PLCB4: variants seen among roughly 807,000 people sequenced by gnomAD.
PLCB4 encodes phospholipase C beta 4.
A neutral mutation model predicts 178.8 loss-of-function variants in PLCB4; 77 were observed. That is an observed-to-expected ratio of 0.43 (90% CI 0.36 to 0.52). The LOEUF (loss-of-function observed/expected upper bound fraction) is 0.52, where lower values mean the gene tolerates loss of function less well. Ranked by LOEUF, PLCB4 falls within the 20% of genes least tolerant of loss-of-function variation. The pLI, the probability that PLCB4 is intolerant of heterozygous loss-of-function variation, is 0.00. For missense variants in PLCB4, 1,024 were observed against 1,453.4 expected (o/e 0.70, Z 4.80); for synonymous variants, 496 against 490.8 (o/e 1.01, Z -0.14).
At chr20:9,404,115 A>T (rs1332533126) in intron 20 of PLCB4, among the ~76,000 whole-genome samples, 2 of 152,116 alleles carry the variant, frequency 1.3e-5, no homozygotes, top group Non-Finnish European at 2.9e-5. Context: ...TGTGTTTGAA[A>T]ACTTGGAAGT....
At chr20:9,116,831 G>A (rs559756452) in intron 2 of PLCB4, among the ~76,000 whole-genome samples, 1 of 152,244 alleles carries the variant, frequency 6.6e-6, no homozygotes, top group Non-Finnish European at 1.5e-5. Flanking sequence ...CTATGTATAT[G>A]CTGGCTCTAA....
chr20:9,331,649 G>GA (rs2031671607), intron 4 of PLCB4, among the ~76,000 whole-genome samples: 1 of 152,114 alleles, frequency 6.6e-6, no homozygotes, highest in Non-Finnish European at 1.5e-5. Context: ...TGAAATAAAG[G>GA]AAAAATGTTT....
At chr20:9,273,755 A>G (rs1295634915) in intron 3 of PLCB4, among the ~76,000 whole-genome samples, 6 of 150,902 alleles carry the variant, frequency 4.0e-5, no homozygotes, top group Non-Finnish European at 7.4e-5. Flanking sequence ...CTCGAGCCAG[A>G]GTATGTATGT....
At chr20:9,088,695 C>T (rs1568726809) in intron 1 of PLCB4, among the ~76,000 whole-genome samples, 1 of 152,074 alleles carries the variant, frequency 6.6e-6, no homozygotes, top group Non-Finnish European at 1.5e-5. Flanking sequence ...AACAATGGGT[C>T]ACTTAAGTGG....
chr20:9,159,663 CA>C (rs1036017688), intron 2 of PLCB4, among the ~76,000 whole-genome samples: 6 of 152,112 alleles, frequency 3.9e-5, no homozygotes, highest in Admixed American at 3.9e-4. Context: ...AATTCTTAAT[CA>C]AGATGATTCC....
At chr20:9,256,986 A>T (rs1007712199) in intron 3 of PLCB4, among the ~76,000 whole-genome samples, 1 of 152,192 alleles carries the variant, frequency 6.6e-6, no homozygotes, top group Non-Finnish European at 1.5e-5. Context: ...CTCATGGAGG[A>T]TGATTCCATC....
chr20:9,354,352 A>G (rs986631076), intron 7 of PLCB4, among the ~76,000 whole-genome samples: 2 of 152,220 alleles, frequency 1.3e-5, no homozygotes, highest in Non-Finnish European at 2.9e-5. Context: ...ATTCAAAATA[A>G]AATAAAACAA....
intron 2 of PLCB4, among the ~76,000 whole-genome samples, chr20:9,132,097 T>C (rs2092286456): frequency 6.6e-6 from 1 of 152,202 alleles, no homozygotes; most frequent in Non-Finnish European, 1.5e-5. Flanking sequence ...GAATAATTTA[T>C]TGTTGTTTTA....
In PLCB4 at chr20:9,196,355, G is replaced by C. The variant is rs1568932758; in HGVS notation, c.-78-21035G>C. Among the ~76,000 whole-genome samples the C allele has an allele frequency of 2.0e-5, 3 of 152,332 alleles. No homozygotes were observed. The South Asian group carries it at 6.2e-4, about 32-fold the overall frequency. On this transcript the variant is annotated intron_variant, in intron 2 of 39. Coordinates refer to ENST00000378473, the MANE Select transcript of PLCB4 (RefSeq NM_001377142.1). Reference sequence around the variant, plus strand: ...TGCAATTAAAATGACTTCTGGGCATGTAAATGGACAACTGGGTGGGAGGAT... The same window carrying C: ...TGCAATTAAAATGACTTCTGGGCATCTAAATGGACAACTGGGTGGGAGGAT...
intron 2 of PLCB4, among the ~76,000 whole-genome samples, chr20:9,186,033 G>A (rs1287983184): frequency 1.3e-5 from 2 of 152,266 alleles, no homozygotes; most frequent in African/African-American, 4.8e-5. Flanking sequence ...CCATAGTGGT[G>A]GCAGTTTTGT....
chr20:9,157,038 C>T (rs2092803987), intron 2 of PLCB4, among the ~76,000 whole-genome samples: 1 of 151,690 alleles, frequency 6.6e-6, no homozygotes, highest in Non-Finnish European at 1.5e-5. Flanking sequence ...CAATGTTCTT[C>T]CTCTGTTCTT....
intron 2 of PLCB4, among the ~76,000 whole-genome samples, chr20:9,148,433 G>A (rs1354484176): frequency 1.3e-5 from 2 of 152,134 alleles, no homozygotes; most frequent in African/African-American, 2.4e-5. Context: ...AGGGCAAAGG[G>A]TAAGGATAGT....
intron 2 of PLCB4, among the ~76,000 whole-genome samples, chr20:9,177,173 G>A (rs1314274381): frequency 6.6e-6 from 1 of 152,106 alleles, no homozygotes; most frequent in Non-Finnish European, 1.5e-5. Flanking sequence ...TAAGCAGAAT[G>A]TGAAAAAATA....
chr20:9,301,183 T>A (rs1215540911), intron 3 of PLCB4, among the ~76,000 whole-genome samples: 1 of 151,820 alleles, frequency 6.6e-6, no homozygotes, highest in African/African-American at 2.4e-5. Flanking sequence ...TCTCAAGATC[T>A]TTCGCTTAAT....
At chr20:9,254,679 C>T (rs924092226) in intron 3 of PLCB4, among the ~76,000 whole-genome samples, 20 of 151,900 alleles carry the variant, frequency 1.3e-4, no homozygotes, top group African/African-American at 2.9e-4. Context: ...GTCTGGGCAA[C>T]GGAGCAAAAC....
chr20:9,335,436 C>G (rs1296232061), intron 4 of PLCB4, among the ~76,000 whole-genome samples: 2 of 152,156 alleles, frequency 1.3e-5, no homozygotes, highest in South Asian at 2.1e-4. Flanking sequence ...TCTAAAGTAT[C>G]AACTTCTGGG....
chr20:9,103,836 A>C (rs2091269630), intron 2 of PLCB4, among the ~76,000 whole-genome samples: 2 of 152,140 alleles, frequency 1.3e-5, no homozygotes, highest in South Asian at 4.1e-4. Flanking sequence ...ATAATTGTTT[A>C]ATTTTAGGCT....
intron 2 of PLCB4, among the ~76,000 whole-genome samples, chr20:9,203,022 T>C (rs1347494422): frequency 6.9e-6 from 1 of 143,906 alleles, no homozygotes; most frequent in Non-Finnish European, 1.5e-5. Flanking sequence ...GAACAGATGG[T>C]TGACCAGTTG....
chr20:9,460,398 C>A (rs1173400333), intron 35 of PLCB4, among the ~76,000 whole-genome samples: 1 of 152,178 alleles, frequency 6.6e-6, no homozygotes, highest in Admixed American at 6.5e-5. Flanking sequence ...AGGTTCTGAT[C>A]ATTTAATAGC....
Sources: allele counts gnomAD v4.1 joint callset (sites outside exome capture counted in the v4.1 genomes callset), GRCh38; gene constraint gnomAD v4.1.1; transcripts MANE v1.5; gene names NCBI Gene and HGNC (gene_info 2026-07-23, HGNC 2026-07-21).